Variants in TET2 observed in about 807,000 individuals in gnomAD.
TET2 encodes the protein tet methylcytosine dioxygenase 2, also known as methylcytosine dioxygenase TET2.
A neutral mutation model predicts 142.9 loss-of-function variants in TET2; 299 were observed. The observed-to-expected ratio is 2.09, with a 90% CI of 1.90 to 2.30. The LOEUF is 2.30. TET2 is among the 30% of genes most tolerant of loss of function. TET2 has a pLI of 0.00. For synonymous variants in TET2, 819 were observed against 849.0 expected, an observed-to-expected ratio of 0.96 and a Z score of 0.61; for missense variants, 2,418 against 2,378.0, an observed-to-expected ratio of 1.02 and a Z score of -0.35.
chr4:105,275,279 GA>G lies in TET2; in HGVS notation c.4771del (p.Ser1591AlafsTer5), dbSNP rs1731150893. On this transcript the variant is annotated frameshift_variant, in exon 11 of 11. Coordinates refer to ENST00000380013, the MANE Select transcript of TET2 (RefSeq NM_001127208.3). LOFTEE classifies it low-confidence loss of function (END_TRUNC). ...TCTTCACACACTTCAGATATCTATG[GA>G]AGCACCAGCCCTATGAACTTCTATT... is the stretch of plus-strand genomic sequence containing the variant. The part of the protein sequence containing the change: ...PNSSHTSDIY[G>X]STSPMNFYST... 1 of 1,552,096 alleles carries G rather than the reference GA, an allele frequency of 6.4e-7. No individual in the cohort carries two copies.
chr4:105,258,591 C>G (rs1016817422), intron 6 of TET2, among the ~76,000 whole-genome samples: 11 of 152,176 alleles, frequency 7.2e-5, no homozygotes, highest in Non-Finnish European at 1.3e-4. Context: ...GAAAGAAAAT[C>G]TGAGATTAAC....
At chr4:105,174,932 T>C (rs377027048) in intron 1 of TET2, among the ~76,000 whole-genome samples, 6 of 152,274 alleles carry the variant, frequency 3.9e-5, no homozygotes, top group African/African-American at 1.4e-4. Flanking sequence ...CTTTTAGCTT[T>C]CCACATAGGG....
At chr4:105,177,302 T>C (rs1724855923) in intron 1 of TET2, among the ~76,000 whole-genome samples, 1 of 152,192 alleles carries the variant, frequency 6.6e-6, no homozygotes. Context: ...AATTTAAAAC[T>C]TCTGCTCTGT....
At chr4:105,191,766 C>T (rs1187585595) in intron 2 of TET2, among the ~76,000 whole-genome samples, 1 of 152,134 alleles carries the variant, frequency 6.6e-6, no homozygotes, top group Non-Finnish European at 1.5e-5. Flanking sequence ...TTTCAAGACA[C>T]AGGGCAAGCG....
intron 1 of TET2, among the ~76,000 whole-genome samples, chr4:105,173,478 A>C (rs1724599215): frequency 6.6e-6 from 1 of 152,098 alleles, no homozygotes; most frequent in Non-Finnish European, 1.5e-5. Context: ...GGTTGCAGTG[A>C]GCCAAGATTG....
At chr4:105,222,468 A>G (rs186474626) in intron 2 of TET2, among the ~76,000 whole-genome samples, 1 of 152,358 alleles carries the variant, frequency 6.6e-6, no homozygotes, top group East Asian at 1.9e-4. Flanking sequence ...ATGGCCAGTG[A>G]TGGTGAGCAT....
At chr4:105,201,626 C>T (rs1049135637) in intron 2 of TET2, among the ~76,000 whole-genome samples, 4 of 147,812 alleles carry the variant, frequency 2.7e-5, no homozygotes, top group Admixed American at 6.8e-5. Context: ...ATAGATTGTA[C>T]TAAGCAAAGT....
chr4:105,148,059 T>C (rs1056855326), intron 1 of TET2, among the ~76,000 whole-genome samples: 24 of 147,748 alleles, frequency 1.6e-4, no homozygotes, highest in African/African-American at 5.5e-4. Flanking sequence ...CTCATACACA[T>C]ACACACACAC....
chr4:105,248,348 T>G (rs958514318), intron 6 of TET2, among the ~76,000 whole-genome samples: 1 of 152,258 alleles, frequency 6.6e-6, no homozygotes, highest in Non-Finnish European at 1.5e-5. Context: ...TTGCTATTTT[T>G]TCTATGCTGT....
chr4:105,276,681 T>A lies in TET2; in HGVS notation c.*162T>A, dbSNP rs2110317530. The A allele has an allele frequency of 1.3e-6, 1 of 774,868 alleles. No homozygotes were observed. Among genetic ancestry groups the A allele is most frequent in the Non-Finnish European group, 2.0e-6 (1 of 511,182 alleles). The allele number at this position is 774,868 out of a possible 1,614,324, so 48.0% of individuals were successfully genotyped here. A position where few individuals can be genotyped will look rare whatever the true frequency, so the allele number is the denominator to read the frequency against. ...AGCAACAAAAGAGGTTATCTTACCATAGCACTTAATTTTCACTGGCTCCCA... is the reference window on the plus strand; with the variant it reads ...AGCAACAAAAGAGGTTATCTTACCAAAGCACTTAATTTTCACTGGCTCCCA... On this transcript the variant is annotated 3_prime_UTR_variant, in exon 11 of 11. Coordinates refer to ENST00000380013, the MANE Select transcript of TET2 (RefSeq NM_001127208.3).
At chr4:105,274,662 A>G (rs1731111523) in intron 10 of TET2, among the ~76,000 whole-genome samples, 1 of 152,164 alleles carries the variant, frequency 6.6e-6, no homozygotes, top group South Asian at 2.1e-4. Flanking sequence ...GTTGAGTATT[A>G]CAAAAGCACT....
rs1191203244 is a variant in TET2, at chr4:105,269,716, A to T, written c.4151A>T (p.Asp1384Val). The T allele has an allele frequency of 1.3e-6, 2 of 1,551,690 alleles. No individual in the cohort carries two copies. Among genetic ancestry groups the T allele is most frequent in the East Asian group, 4.9e-5 (2 of 40,920 alleles). Reference sequence around the variant, plus strand: ...GACTTCTGTGCTCATGCCCACAGAGACTTGCACAACATGCAGAATGGCAGC... The same window carrying T: ...GACTTCTGTGCTCATGCCCACAGAGTCTTGCACAACATGCAGAATGGCAGC... Reference protein sequence around the residue: ...CLDFCAHAHRDLHNMQNGSTL... With the variant: ...CLDFCAHAHRVLHNMQNGSTL... The change falls in exon 9 of 11, where the codon GAC becomes GTC. Residue 1384 changes from aspartate (D) to valine (V), a missense_variant. By Grantham distance (152) the Asp-to-Val change is radical. Transcript: ENST00000380013.
chr4:105,190,319 T>A, intron 1 of TET2, 41 bp from the exon 2 acceptor site: 1 of 618,878 alleles, frequency 1.6e-6, no homozygotes, highest in Non-Finnish European at 2.9e-6. Context: ...ACCCTGTTCC[T>A]TTTTGCTAAC....
chr4:105,238,082 A>ATAACTTTTACATAC, intron 3 of TET2: 1 of 268,610 alleles, frequency 3.7e-6, no homozygotes, highest in Non-Finnish European at 6.9e-6. Flanking sequence ...CTGTATGTAA[A>ATAACTTTTACATAC]AGTTATTTAT....
chr4:105,241,341 C>T lies in TET2; in HGVS notation c.3412C>T (p.Gln1138Ter). ...ATAATCTTCTATTATCTCAACAGAGCAAATTATTGAAAAAGATGAAGGTCC... is the reference window on the plus strand; with the variant it reads ...ATAATCTTCTATTATCTCAACAGAGTAAATTATTGAAAAAGATGAAGGTCC... ...YDFPSCRCVE[Q>*]IIEKDEGPFY... Residue 1138 changes from glutamine (Q) to a stop codon, truncating the protein, a stop_gained and splice_region_variant, in exon 4 of 11, where the codon CAA (glutamine) becomes TAA (stop). Transcript: ENST00000380013. LOFTEE classifies it high-confidence loss of function. 1 of 1,544,078 alleles carries T rather than the reference C, an allele frequency of 6.5e-7. No homozygotes were observed. The highest frequency in any genetic ancestry group is 8.7e-7 in the Non-Finnish European group (1 of 1,143,142).
chr4:105,253,066 T>G (rs1282373835), intron 6 of TET2, among the ~76,000 whole-genome samples: 5 of 152,152 alleles, frequency 3.3e-5, no homozygotes, highest in African/African-American at 9.6e-5. Context: ...TCATGTAGTG[T>G]CAGTCCTCTG....
In TET2 at chr4:105,166,545, G is replaced by A. The variant is rs75102340; in HGVS notation, c.-193+19566G>A. 7.7e-3 allele frequency among the ~76,000 whole-genome samples: 1,152 copies of A among 148,960 alleles called. 6 individuals carry two copies. Among genetic ancestry groups the A allele is most frequent in the Non-Finnish European group, 0.012 (824 of 67,168 alleles). On this transcript the variant is annotated intron_variant, in intron 1 of 10. Transcript: ENST00000380013. ...TTTTCTCCTGGCTATGTCTATTATT[G>A]CTTTAGTCTCATGTCTTTGTATTTG...
In TET2 at chr4:105,277,006, GCT is replaced by G. The variant is rs1560575373; in HGVS notation, c.*488_*489del. On this transcript the variant is annotated 3_prime_UTR_variant, in exon 11 of 11. Coordinates refer to ENST00000380013, the MANE Select transcript of TET2 (RefSeq NM_001127208.3). ...GATGTACTGAAATACTGGAATTATG[GCT>G]TTTTGAAATGCAGTTTTTACTGTAA... The G allele has an allele frequency of 8.6e-6, 2 of 232,592 alleles. No individual in the cohort carries two copies. The highest frequency in any genetic ancestry group is 1.7e-5 in the Non-Finnish European group (2 of 117,852). The allele number at this position is 232,592 out of a possible 1,614,324, so 14.4% of individuals were successfully genotyped here.
At chr4:105,176,173 A>C (rs1485636829) in intron 1 of TET2, among the ~76,000 whole-genome samples, 1 of 152,154 alleles carries the variant, frequency 6.6e-6, no homozygotes, top group Non-Finnish European at 1.5e-5. Context: ...ATACACAAAA[A>C]ACCTACAGTT....
Sources: gnomAD v4.1 joint callset for allele counts (sites outside exome capture counted in the v4.1 genomes callset) on GRCh38, gnomAD v4.1.1 for gene constraint, MANE v1.5 for transcripts, NCBI Gene and HGNC (gene_info 2026-07-23, HGNC 2026-07-21) for gene names.